Variants in BANP observed in about 807,000 individuals in gnomAD.
BANP encodes the protein BTG3 associated nuclear protein, also known as protein BANP.
A neutral mutation model predicts 68.1 loss-of-function variants in BANP; 11 were observed. That is an observed-to-expected ratio of 0.16 (90% confidence interval 0.10 to 0.27). BANP has a LOEUF of 0.27. Among genes scored for constraint, BANP ranks in the 10% least tolerant of loss-of-function variants. The pLI, the probability that BANP is intolerant of heterozygous loss-of-function variation, is 1.00. For synonymous variants in BANP, 329 were observed against 303.2 expected (o/e 1.09, Z -0.88); for missense variants, 504 against 722.7 (o/e 0.70, Z 3.47).
intron 11 of BANP, among the ~76,000 whole-genome samples, chr16:88,047,108 GTGATCTTAGGGAGCCA>G (rs1555618151): frequency 6.6e-6 from 1 of 152,112 alleles, no homozygotes; most frequent in Non-Finnish European, 1.5e-5. Context: ...ACGTGTTTTG[GTGATCTTAGGGAGCCA>G]TGAACTCGTG....
chr16:87,979,863 G>A (rs1229014119), intron 2 of BANP, among the ~76,000 whole-genome samples: 3 of 152,174 alleles, frequency 2.0e-5, no homozygotes, highest in African/African-American at 7.2e-5. Context: ...TACTTGGGCT[G>A]AGGTGGGGGG....
At chr16:87,969,057 GCACTGCCCTCGTCCA>G in intron 1 of BANP, among the ~76,000 whole-genome samples, 1 of 152,114 alleles carries the variant, frequency 6.6e-6, no homozygotes, top group Non-Finnish European at 1.5e-5. Flanking sequence ...CATGTCGTCT[GCACTGCCCTCGTCCA>G]CACTGCCCTG....
chr16:88,010,759 C>T (rs768263958), intron 6 of BANP, among the ~76,000 whole-genome samples: 31 of 152,246 alleles, frequency 2.0e-4, no homozygotes, highest in Non-Finnish European at 4.0e-4. Flanking sequence ...GAAAGGAGAA[C>T]GTGTAGCCAC....
rs2058357867 is a variant in BANP at position 87,957,665 on chromosome 16, C to A, written c.-69+6150C>A. Among the ~76,000 whole-genome samples the A allele has an allele frequency of 6.6e-6, 1 of 152,370 alleles. No homozygotes were observed. Among genetic ancestry groups the A allele is most frequent in the South Asian group, 2.1e-4 (1 of 4,830 alleles). On this transcript the variant is annotated intron_variant, in intron 1 of 13. Transcript: ENST00000682872. This position sits in a 1 kb window ranked among gnomAD's most constrained non-coding sequence, Gnocchi z 4.3. ...CAAATATCTGGAAGCAAAGCTTAAT[C>A]TTTCTGAAAGTAGAAACGCGTTTGG...
At chr16:88,028,353 T>C (rs6540157) in intron 8 of BANP, among the ~76,000 whole-genome samples, 152,026 of 152,368 alleles carry the variant, frequency 1, 75,842 homozygotes, top group Middle Eastern at 1. Flanking sequence ...GAGTCTTTGT[T>C]GGCGGGAACC....
chr16:88,021,510 G>A (rs1290401147), intron 7 of BANP, among the ~76,000 whole-genome samples: 2 of 152,200 alleles, frequency 1.3e-5, no homozygotes, highest in Non-Finnish European at 2.9e-5. Context: ...TGCTGCGTAT[G>A]GACCAGGGCT....
At chr16:88,027,432 G>A (rs562039542) in intron 7 of BANP, 51 bp from the exon 8 acceptor site, 1 of 1,605,740 alleles carries the variant, frequency 6.2e-7, no homozygotes, top group Admixed American at 1.7e-5. Flanking sequence ...GCAGCTCCTG[G>A]TGGCTGTCCC....
Position 87,961,411 on chromosome 16 carries a change from C to CCCCCG in BANP, c.-69+9900_-69+9901insGCCCC, listed in dbSNP as rs1555533474. Among the ~76,000 whole-genome samples, 7 of 141,644 alleles carry CCCCCG rather than the reference C, an allele frequency of 4.9e-5. 1 individual carries two copies. Among genetic ancestry groups the CCCCCG allele is most frequent in the African/African-American group, 5.1e-5 (2 of 39,490 alleles). 92.9% of individuals were successfully genotyped at this position (141,644 alleles called of 152,430 possible). On this transcript the variant is annotated intron_variant, in intron 1 of 13. Transcript: ENST00000682872. ...ACTCCTGGACTCACAGAATCTGCAC[C>CCCCCG]CCCCCGGGCCTCCCAAAGTGCTGGG...
intron 11 of BANP, among the ~76,000 whole-genome samples, chr16:88,043,882 CA>C (rs2081366708): frequency 1.4e-5 from 2 of 142,804 alleles, no homozygotes; most frequent in South Asian, 2.4e-4. Context: ...TTCTGAAAAA[CA>C]AAAAAAGCCC....
chr16:87,959,962 G>A (rs1035878805), intron 1 of BANP: 9 of 152,736 alleles, frequency 5.9e-5, no homozygotes, highest in East Asian at 1.9e-4. Flanking sequence ...TGGCCTAGAC[G>A]GGGTTTAAAC....
intron 4 of BANP, among the ~76,000 whole-genome samples, chr16:87,988,398 G>C (rs2065007020): frequency 6.6e-6 from 1 of 151,902 alleles, no homozygotes; most frequent in Non-Finnish European, 1.5e-5. Flanking sequence ...TGAGTAGCTG[G>C]GATTACAGGT....
intron 1 of BANP, among the ~76,000 whole-genome samples, chr16:87,955,238 AGAGC>A (rs2057807917): frequency 6.6e-6 from 1 of 152,180 alleles, no homozygotes; most frequent in African/African-American, 2.4e-5. Context: ...TCTGTCTGCC[AGAGC>A]CTTGCCAGCC....
intron 2 of BANP, among the ~76,000 whole-genome samples, chr16:87,979,532 G>T (rs1272255598): frequency 1.3e-5 from 2 of 152,130 alleles, no homozygotes; most frequent in African/African-American, 4.8e-5. Flanking sequence ...TGGAGGGTTG[G>T]CAGTATGGGA....
intron 11 of BANP, among the ~76,000 whole-genome samples, chr16:88,046,662 C>T (rs2082091009): frequency 1.3e-5 from 2 of 152,066 alleles, no homozygotes; most frequent in Admixed American, 1.3e-4. Context: ...TCTCCTGCCT[C>T]AGCCTCCTGA....
chr16:88,016,392 G>A (rs2074562750), intron 6 of BANP, among the ~76,000 whole-genome samples: 2 of 152,216 alleles, frequency 1.3e-5, no homozygotes, highest in Non-Finnish European at 2.9e-5. Flanking sequence ...GGTGTGACCA[G>A]CATGTGGCTT....
Position 88,072,060 on chromosome 16 carries a change from T to C in BANP, c.1378-9T>C. ...CGCCGCTGACGGGCCCCCGTGTGTC[T>C]CCCTCCAGGTGCTGCAGGGTGCACA... On this transcript the variant is annotated splice_polypyrimidine_tract_variant and intron_variant, in intron 12 of 13. Transcript: ENST00000682872. 2 of 1,565,416 alleles carry C rather than the reference T, an allele frequency of 1.3e-6. No homozygotes were observed. The highest frequency in any genetic ancestry group is 1.7e-6 in the Non-Finnish European group (2 of 1,157,248).
chr16:87,976,843 C>G (rs1330144770), intron 2 of BANP, among the ~76,000 whole-genome samples: 1 of 152,194 alleles, frequency 6.6e-6, no homozygotes, highest in Non-Finnish European at 1.5e-5. Context: ...ACCATCATTG[C>G]ATATTATTTT....
chr16:87,950,901 T>C (rs1389019945), upstream of BANP: 1 of 152,150 alleles, frequency 6.6e-6, no homozygotes, highest in Non-Finnish European at 1.5e-5. Flanking sequence ...CTCCGGAACC[T>C]CAGGGCAGGA....
At chr16:87,986,236 G>T (rs890261868) in intron 4 of BANP, among the ~76,000 whole-genome samples, 1 of 152,240 alleles carries the variant, frequency 6.6e-6, no homozygotes, top group African/African-American at 2.4e-5. Flanking sequence ...GGAGCCTTGC[G>T]TGCTGGCGGA....
Sources: gnomAD v4.1 joint callset for allele counts (sites outside exome capture counted in the v4.1 genomes callset) on GRCh38, gnomAD v4.1.1 for gene constraint, Gnocchi (gnomAD v3.1) non-coding constraint, MANE v1.5 for transcripts, NCBI Gene and HGNC (gene_info 2026-07-23, HGNC 2026-07-21) for gene names.